MAPK10: variants seen among roughly 807,000 people sequenced by gnomAD.
MAPK10 encodes mitogen-activated protein kinase 10.
MAPK10 carries 25 observed loss-of-function variants against 59.3 expected under a neutral mutation model. That is an observed-to-expected ratio of 0.42 (90% CI 0.31 to 0.59). The LOEUF (loss-of-function observed/expected upper bound fraction) is 0.59. Among genes scored for constraint, MAPK10 ranks in the 20% least tolerant of loss-of-function variants. The pLI, the probability that MAPK10 is intolerant of heterozygous loss-of-function variation, is 0.15. For missense variants in MAPK10, 351 were observed against 568.9 expected (o/e 0.62, Z 3.90); for synonymous variants, 190 against 200.5 (o/e 0.95, Z 0.44).
intron 4 of MAPK10, among the ~76,000 whole-genome samples, chr4:86,155,496 C>A (rs912787295): frequency 6.6e-6 from 1 of 151,714 alleles, no homozygotes; most frequent in Non-Finnish European, 1.5e-5. Flanking sequence ...TACAGTAGTA[C>A]CCCCTTGTCT....
intron 4 of MAPK10, among the ~76,000 whole-genome samples, chr4:86,147,906 T>G (rs2065399607): frequency 6.6e-6 from 1 of 152,228 alleles, no homozygotes. Context: ...CCTCCGTTAT[T>G]AGTACATTTT....
At chr4:86,070,375 CTTTA>C (rs1474354799) in intron 9 of MAPK10, among the ~76,000 whole-genome samples, 3 of 150,314 alleles carry the variant, frequency 2.0e-5, no homozygotes, top group South Asian at 4.2e-4. Flanking sequence ...ACTTGAAGGG[CTTTA>C]TTTTTTTTTC....
chr4:86,446,426 G>T (rs1212331386), intron 1 of MAPK10, among the ~76,000 whole-genome samples: 1 of 151,970 alleles, frequency 6.6e-6, no homozygotes, highest in Non-Finnish European at 1.5e-5. Context: ...ATGTTGCTCT[G>T]GCTGGTTGAA....
At chr4:86,127,898 C>T (rs2060325982) in intron 4 of MAPK10, among the ~76,000 whole-genome samples, 1 of 151,958 alleles carries the variant, frequency 6.6e-6, no homozygotes, top group South Asian at 2.1e-4. Context: ...CTTAGGGAAG[C>T]CTACAATGTA....
At chr4:86,235,246 C>A (rs959791135) in intron 2 of MAPK10, among the ~76,000 whole-genome samples, 4 of 152,148 alleles carry the variant, frequency 2.6e-5, no homozygotes, top group Admixed American at 6.5e-5. Context: ...CATTCCTATC[C>A]TCATTCTTAC....
chr4:86,128,759 A>G (rs1450139657), intron 4 of MAPK10, among the ~76,000 whole-genome samples: 1 of 152,118 alleles, frequency 6.6e-6, no homozygotes, highest in African/African-American at 2.4e-5. Flanking sequence ...ATAAATATAT[A>G]GGAGCACAAC....
chr4:86,532,652 C>T (rs1198134279), intron 1 of MAPK10, among the ~76,000 whole-genome samples: 1 of 152,200 alleles, frequency 6.6e-6, no homozygotes, highest in Non-Finnish European at 1.5e-5. Context: ...TATCTTTTCC[C>T]TCCTTGGCAC....
rs17011766 is a variant in MAPK10 at position 86,342,600 on chromosome 4, A to G, written c.-7+11930T>C. ...ACAAAAAGGCAAGCAATCCATTTCT[A>G]CATTTTACATATGGAGAAACCAAAG... is the stretch of plus-strand genomic sequence containing the variant. On this transcript the variant is annotated intron_variant, in intron 2 of 13. Coordinates refer to ENST00000641462, the MANE Select transcript of MAPK10 (RefSeq NM_138982.4). 1.0e-2 allele frequency among the ~76,000 whole-genome samples: 1,517 copies of G among 152,298 alleles called. 17 individuals carry two copies. The highest frequency in any genetic ancestry group is 0.034 in the African/African-American group (1,434 of 41,568).
At chr4:86,517,169 T>A (rs769330057) in intron 1 of MAPK10, among the ~76,000 whole-genome samples, 1 of 152,110 alleles carries the variant, frequency 6.6e-6, no homozygotes, top group Non-Finnish European at 1.5e-5. Flanking sequence ...ATTAAGATAA[T>A]CATATTTTTG....
chr4:86,038,228 C>T (rs2040749269), intron 11 of MAPK10, among the ~76,000 whole-genome samples: 1 of 152,160 alleles, frequency 6.6e-6, no homozygotes, highest in Non-Finnish European at 1.5e-5. Context: ...CTGCTTTGTC[C>T]TAATTAAGGA....
chr4:86,301,573 T>G (rs553818832), intron 2 of MAPK10, among the ~76,000 whole-genome samples: 1 of 152,148 alleles, frequency 6.6e-6, no homozygotes, highest in African/African-American at 2.4e-5. Context: ...TCTAATAGAC[T>G]TCTTCCAGGA....
intron 9 of MAPK10, among the ~76,000 whole-genome samples, chr4:86,076,230 C>T (rs1377488692): frequency 6.6e-6 from 1 of 152,208 alleles, no homozygotes; most frequent in East Asian, 1.9e-4. Context: ...CCAGGTGAGG[C>T]AATGCCTCGC....
chr4:86,387,961 T>C (rs1741715889), intron 1 of MAPK10, among the ~76,000 whole-genome samples: 1 of 149,632 alleles, frequency 6.7e-6, no homozygotes, highest in Non-Finnish European at 1.5e-5. Flanking sequence ...TATACAAAAG[T>C]ATCCAGAAAA....
At chr4:86,399,268 T>C (rs984586497) in intron 1 of MAPK10, among the ~76,000 whole-genome samples, 6 of 152,144 alleles carry the variant, frequency 3.9e-5, no homozygotes, top group Non-Finnish European at 7.3e-5. Flanking sequence ...CCAACATCTG[T>C]TGATTTTGAG....
intron 2 of MAPK10, among the ~76,000 whole-genome samples, chr4:86,297,547 G>T (rs1474409384): frequency 6.6e-6 from 1 of 152,038 alleles, no homozygotes; most frequent in East Asian, 1.9e-4. Flanking sequence ...TCCTGACCTC[G>T]TGATCCACCC....
intron 1 of MAPK10, among the ~76,000 whole-genome samples, chr4:86,369,047 A>C (rs553017671): frequency 1.3e-5 from 2 of 152,256 alleles, no homozygotes; most frequent in South Asian, 4.1e-4. Flanking sequence ...CATCTGTAGC[A>C]TTTCCAATTT....
At chr4:86,103,165 T>C in intron 6 of MAPK10, 21 bp downstream of exon 6, 1 of 1,591,266 alleles carries the variant, frequency 6.3e-7, no homozygotes, top group Non-Finnish European at 8.6e-7. Flanking sequence ...TCTCCCTTCC[T>C]TCATGAGTTT....
At chr4:86,072,717 C>G (rs1319222513) in intron 9 of MAPK10, among the ~76,000 whole-genome samples, 1 of 61,666 alleles carries the variant, frequency 1.6e-5, no homozygotes, top group Non-Finnish European at 3.0e-5. Context: ...GTATATTGAA[C>G]CAGCCTTGCA....
chr4:86,359,592 A>C, intron 1 of MAPK10, 66 bp downstream of exon 1: 1 of 756,578 alleles, frequency 1.3e-6, no homozygotes, highest in Non-Finnish European at 1.6e-6. Context: ...ACCAGGAGCA[A>C]TCAATAGACA....
Sources: allele counts gnomAD v4.1 joint callset (sites outside exome capture counted in the v4.1 genomes callset), GRCh38; gene constraint gnomAD v4.1.1; transcripts MANE v1.5; gene names NCBI Gene and HGNC (gene_info 2026-07-23, HGNC 2026-07-21).